The following SEZ6L variants were observed in gnomAD, a reference collection of about 807,000 sequenced individuals.
The protein encoded by SEZ6L is seizure related 6 homolog like.
Under a neutral mutation model 106.2 loss-of-function variants are expected in SEZ6L, and 37 were observed. The ratio of observed to expected loss-of-function variants is 0.35; its 90% CI spans 0.27 to 0.46. The LOEUF is 0.46. SEZ6L is among the 20% of genes least tolerant of loss of function. The pLI is 1.00. For synonymous variants in SEZ6L, 541 were observed against 570.4 expected, an observed-to-expected ratio of 0.95 and a Z score of 0.73; for missense variants, 1,172 against 1,332.8, an observed-to-expected ratio of 0.88 and a Z score of 1.88.
chr22:26,193,526 T>A (rs1199046169), intron 1 of SEZ6L, among the ~76,000 whole-genome samples: 1 of 152,348 alleles, frequency 6.6e-6, no homozygotes, highest in Non-Finnish European at 1.5e-5. Context: ...TATGCTTTTT[T>A]ACAATTTGCT....
intron 1 of SEZ6L, among the ~76,000 whole-genome samples, chr22:26,218,370 T>C (rs1485569252): frequency 6.6e-6 from 1 of 152,222 alleles, no homozygotes; most frequent in Non-Finnish European, 1.5e-5. Flanking sequence ...AAGCCCCACA[T>C]GCATTAGGTA....
chr22:26,259,609 C>G (rs1436426357), intron 1 of SEZ6L, among the ~76,000 whole-genome samples: 1 of 152,180 alleles, frequency 6.6e-6, no homozygotes, highest in African/African-American at 2.4e-5. Flanking sequence ...GAGAGATACC[C>G]TGAGGCTTCT....
At chr22:26,283,565 C>T (rs1189754791) in intron 1 of SEZ6L, among the ~76,000 whole-genome samples, 3 of 151,988 alleles carry the variant, frequency 2.0e-5, no homozygotes, top group East Asian at 1.9e-4. Flanking sequence ...TCAACAACAA[C>T]AATAAAAACA....
At chr22:26,230,627 C>G (rs767606199) in intron 1 of SEZ6L, among the ~76,000 whole-genome samples, 1 of 152,180 alleles carries the variant, frequency 6.6e-6, no homozygotes, top group African/African-American at 2.4e-5. Flanking sequence ...TTCAGGGAAA[C>G]AGACTGGAGA....
In SEZ6L at chr22:26,348,565, G is replaced by GGAAA. The variant is rs1235470776; in HGVS notation, c.2407+671_2407+674dup. 2.0e-3 allele frequency among the ~76,000 whole-genome samples: 68 copies of GGAAA among 34,706 alleles called. 2 individuals are homozygous for GGAAA. Among genetic ancestry groups the GGAAA allele is most frequent in the East Asian group, 7.4e-3 (10 of 1,358 alleles). 22.8% of individuals were successfully genotyped at this position (34,706 alleles called of 152,430 possible). A position where few individuals can be genotyped will look rare whatever the true frequency, so the allele number is the denominator to read the frequency against. On this transcript the variant is annotated intron_variant, in intron 11 of 16. Coordinates refer to ENST00000248933, the MANE Select transcript of SEZ6L (RefSeq NM_021115.5). ...AGGAAGGAAGGAAGGAAGGAAGGGA[G>GGAAA]GAAAGAAAGAAAGAAAGAAAGAGAA...
chr22:26,334,480 A>G (rs571999665), intron 9 of SEZ6L, among the ~76,000 whole-genome samples: 26 of 152,330 alleles, frequency 1.7e-4, no homozygotes, highest in African/African-American at 6.0e-4. Context: ...TTATGGCTGA[A>G]TAATAACTCC....
At chr22:26,357,579 A>T (rs1395544879) in intron 12 of SEZ6L, among the ~76,000 whole-genome samples, 1 of 152,180 alleles carries the variant, frequency 6.6e-6, no homozygotes, top group Non-Finnish European at 1.5e-5. Flanking sequence ...TATTGAAATG[A>T]TCTGTTTATA....
At chr22:26,205,598 A>C (rs1037788942) in intron 1 of SEZ6L, among the ~76,000 whole-genome samples, 5 of 151,952 alleles carry the variant, frequency 3.3e-5, no homozygotes, top group Admixed American at 2.0e-4. Context: ...AACTATTAAA[A>C]ATGTGGTTTC....
intron 3 of SEZ6L, among the ~76,000 whole-genome samples, chr22:26,295,406 C>T (rs2081272618): frequency 1.3e-5 from 2 of 152,276 alleles, no homozygotes; most frequent in Admixed American, 6.5e-5. Flanking sequence ...TGAGCTGGGG[C>T]AGGTGTATGA....
intron 2 of SEZ6L, 115 bp from the exon 3 acceptor site, chr22:26,294,177 C>A: frequency 1.1e-6 from 1 of 915,780 alleles, no homozygotes; most frequent in Non-Finnish European, 1.7e-6. Flanking sequence ...AGCAGAAGGA[C>A]AGATGGGAAC....
intron 5 of SEZ6L, among the ~76,000 whole-genome samples, chr22:26,305,408 C>T (rs1344101886): frequency 6.6e-6 from 1 of 152,216 alleles, no homozygotes; most frequent in Admixed American, 6.5e-5. Context: ...TAACAGTTTG[C>T]ATTCTAACCA....
chr22:26,278,722 C>T (rs2080638366), intron 1 of SEZ6L, among the ~76,000 whole-genome samples: 1 of 144,438 alleles, frequency 6.9e-6, no homozygotes, highest in Non-Finnish European at 1.5e-5. Context: ...TGTGTTCCAT[C>T]ATTAAAAGGA....
chr22:26,368,662 C>T (rs534250654), intron 13 of SEZ6L, among the ~76,000 whole-genome samples: 2 of 152,008 alleles, frequency 1.3e-5, no homozygotes, highest in East Asian at 1.9e-4. Flanking sequence ...GTCATGGTTG[C>T]GCACCATTGT....
intron 9 of SEZ6L, among the ~76,000 whole-genome samples, chr22:26,330,029 C>T (rs1356662348): frequency 2.0e-5 from 3 of 152,264 alleles, no homozygotes; most frequent in South Asian, 2.1e-4. Flanking sequence ...AGGAAAGTCA[C>T]TTAATTCCTC....
At chr22:26,284,746 GGT>G (rs2080883381) in intron 1 of SEZ6L, among the ~76,000 whole-genome samples, 1 of 151,954 alleles carries the variant, frequency 6.6e-6, no homozygotes, top group South Asian at 2.1e-4. Flanking sequence ...TTACCTCTCA[GGT>G]GTTCTTTAAT....
At chr22:26,348,422 GGAACGCAGGTGTTT>G (rs951770339) in intron 11 of SEZ6L, among the ~76,000 whole-genome samples, 103 of 149,464 alleles carry the variant, frequency 6.9e-4, no homozygotes, top group Non-Finnish European at 1.4e-3. Context: ...AAGGATTGCT[GGAACGCAGGTGTTT>G]GAGCTATGAT....
chr22:26,365,460 C>T lies in SEZ6L; in HGVS notation c.2688C>T (p.Ser896=). 3 of 1,614,088 alleles carry T rather than the reference C, an allele frequency of 1.9e-6. No individual in the cohort carries two copies. The highest frequency in any genetic ancestry group is 2.5e-6 in the Non-Finnish European group (3 of 1,179,958). The change falls in exon 13 of 17, where the codon TCC becomes TCT. Residue 896 remains serine, a synonymous_variant. Coordinates refer to ENST00000248933, the MANE Select transcript of SEZ6L (RefSeq NM_021115.5). Reference sequence around the variant, plus strand: ...AGCGACTCTACCTGCCAGGAGAGTCCCTCACCTTCATGTGCTACGAAGGCT... The same window carrying T: ...AGCGACTCTACCTGCCAGGAGAGTCTCTCACCTTCATGTGCTACGAAGGCT... The part of the protein sequence containing the change: ...LYKRLYLPGE[S]LTFMCYEGFE...
chr22:26,348,646 A>AAGAAAAAGAAAGAAAGAAAG (rs1556371589), intron 11 of SEZ6L, among the ~76,000 whole-genome samples: 5 of 7,694 alleles, frequency 6.5e-4, no homozygotes, highest in East Asian at 0.01. Context: ...GAAAGAAAGA[A>AAGAAAAAGAAAGAAAGAAAG]AAAGAAAGAA....
intron 1 of SEZ6L, among the ~76,000 whole-genome samples, chr22:26,225,490 G>T (rs1535146): frequency 2.6e-5 from 4 of 152,148 alleles, no homozygotes; most frequent in Non-Finnish European, 5.9e-5. Flanking sequence ...CACATAGAAG[G>T]GAAAACACAG....
Sources: gnomAD v4.1 joint callset for allele counts (sites outside exome capture counted in the v4.1 genomes callset) on GRCh38, gnomAD v4.1.1 for gene constraint, MANE v1.5 for transcripts, NCBI Gene and HGNC (gene_info 2026-07-23, HGNC 2026-07-21) for gene names.